SPHKAP: variants seen among roughly 807,000 people sequenced by gnomAD.
SPHKAP encodes the protein A-kinase anchor protein SPHKAP.
Under a neutral mutation model 137.5 loss-of-function variants are expected in SPHKAP, and 67 were observed. The observed-to-expected ratio is 0.49, with a 90% CI of 0.40 to 0.60. SPHKAP has a LOEUF of 0.60. Among genes scored for constraint, SPHKAP ranks in the 20% least tolerant of loss-of-function variants. The probability of loss-of-function intolerance (pLI) is 0.00; values close to 1 mark genes in which losing one functional copy is unlikely to be tolerated. For synonymous variants in SPHKAP, 813 were observed against 785.3 expected, an observed-to-expected ratio of 1.04 and a Z score of -0.59; for missense variants, 2,097 against 2,069.3, an observed-to-expected ratio of 1.01 and a Z score of -0.26.
intron 3 of SPHKAP, among the ~76,000 whole-genome samples, chr2:228,035,606 G>T (rs1440186633): frequency 2.0e-5 from 3 of 152,300 alleles, no homozygotes; most frequent in African/African-American, 7.2e-5. Flanking sequence ...AAAGCTGGAG[G>T]CATCACACTG....
intron 2 of SPHKAP, among the ~76,000 whole-genome samples, chr2:228,120,108 T>C (rs992691607): frequency 3.3e-5 from 5 of 152,164 alleles, no homozygotes; most frequent in African/African-American, 1.2e-4. Flanking sequence ...AAGGTGTGAT[T>C]AGTTAGAAGG....
intron 7 of SPHKAP, among the ~76,000 whole-genome samples, chr2:228,000,671 C>T (rs1004992461): frequency 2.0e-5 from 3 of 151,852 alleles, no homozygotes; most frequent in Non-Finnish European, 2.9e-5. Flanking sequence ...AGATTGACAA[C>T]ATTTAATAAT....
chr2:228,001,406 T>C (rs1313347429), intron 7 of SPHKAP, among the ~76,000 whole-genome samples: 2 of 141,340 alleles, frequency 1.4e-5, no homozygotes, highest in East Asian at 3.9e-4. Flanking sequence ...TATATATACA[T>C]AAATATATAT....
At chr2:228,090,858 G>T (rs1009584633) in intron 3 of SPHKAP, among the ~76,000 whole-genome samples, 2 of 152,142 alleles carry the variant, frequency 1.3e-5, no homozygotes, top group African/African-American at 4.8e-5. Flanking sequence ...ACCTGAAGGG[G>T]AGCAGATGCC....
intron 7 of SPHKAP, chr2:227,996,239 T>G (rs1693637188): frequency 2.1e-6 from 1 of 477,402 alleles, no homozygotes; most frequent in Non-Finnish European, 2.7e-6. Context: ...GCACTTGCAC[T>G]ATATTTTGTG....
chr2:228,092,224 T>TAC (rs1559168803), intron 3 of SPHKAP, among the ~76,000 whole-genome samples: 7 of 145,144 alleles, frequency 4.8e-5, no homozygotes, highest in Admixed American at 2.1e-4. Context: ...TACACACATA[T>TAC]ATACACACAT....
intron 7 of SPHKAP, among the ~76,000 whole-genome samples, chr2:227,996,519 C>T (rs988365941): frequency 4.6e-5 from 7 of 152,192 alleles, no homozygotes; most frequent in African/African-American, 9.7e-5. Context: ...TTTCCACAGT[C>T]GGTTCCTAAG....
At chr2:228,082,001 A>G (rs184300529) in intron 3 of SPHKAP, among the ~76,000 whole-genome samples, 116 of 152,326 alleles carry the variant, frequency 7.6e-4, no homozygotes, top group African/African-American at 2.7e-3. Flanking sequence ...TTAATAGCTT[A>G]ATTTAGCCTT....
chr2:227,998,949 C>T (rs984737592), intron 7 of SPHKAP, among the ~76,000 whole-genome samples: 1 of 152,164 alleles, frequency 6.6e-6, no homozygotes, highest in East Asian at 1.9e-4. Context: ...TGGCCTCTTT[C>T]ATTTAAAGTA....
intron 2 of SPHKAP, among the ~76,000 whole-genome samples, chr2:228,120,729 A>G (rs2106362475): frequency 6.6e-6 from 1 of 152,322 alleles, no homozygotes; most frequent in Non-Finnish European, 1.5e-5. Context: ...CTTCTGTCAT[A>G]TCACACAGAT....
chr2:228,140,730 C>A (rs1222436277), intron 1 of SPHKAP, among the ~76,000 whole-genome samples: 1 of 152,056 alleles, frequency 6.6e-6, no homozygotes. Flanking sequence ...TGGCTTAGCA[C>A]CGTCTCCTTG....
At chr2:228,060,257 T>C (rs894018308) in intron 3 of SPHKAP, among the ~76,000 whole-genome samples, 4 of 152,128 alleles carry the variant, frequency 2.6e-5, no homozygotes, top group Non-Finnish European at 2.9e-5. Flanking sequence ...AAAACTGTAA[T>C]GGGAAATTAT....
At chr2:228,087,453 C>G (rs1697574855) in intron 3 of SPHKAP, among the ~76,000 whole-genome samples, 1 of 152,192 alleles carries the variant, frequency 6.6e-6, no homozygotes, top group East Asian at 1.9e-4. Flanking sequence ...GCAACAGAAG[C>G]TGACTGTGAG....
chr2:228,023,803 GC>G (rs1481393428), intron 5 of SPHKAP, among the ~76,000 whole-genome samples: 2 of 152,180 alleles, frequency 1.3e-5, no homozygotes, highest in African/African-American at 4.8e-5. Flanking sequence ...TTCACTTCCA[GC>G]GCCAGGGGTG....
At chr2:228,020,877 T>C (rs1057337332) in intron 6 of SPHKAP, among the ~76,000 whole-genome samples, 3 of 152,032 alleles carry the variant, frequency 2.0e-5, no homozygotes, top group Non-Finnish European at 2.9e-5. Context: ...GGGATACAAA[T>C]GCAAGTAGGA....
chr2:228,171,468 G>A (rs146211357), intron 1 of SPHKAP, among the ~76,000 whole-genome samples: 3 of 152,042 alleles, frequency 2.0e-5, no homozygotes, highest in Non-Finnish European at 4.4e-5. Context: ...TTATAAGTTT[G>A]CTTATATTGT....
intron 1 of SPHKAP, among the ~76,000 whole-genome samples, chr2:228,162,945 C>T (rs1054778763): frequency 1.3e-5 from 2 of 152,124 alleles, no homozygotes; most frequent in Non-Finnish European, 2.9e-5. Context: ...TTGATCCATC[C>T]AGCTCGGCCT....
chr2:228,114,356 G>T (rs1186869244), intron 2 of SPHKAP, among the ~76,000 whole-genome samples: 1 of 152,032 alleles, frequency 6.6e-6, no homozygotes, highest in Non-Finnish European at 1.5e-5. Context: ...ATAGACTTTG[G>T]ACACAGCCCC....
chr2:228,158,786 T>G (rs980519013), intron 1 of SPHKAP, among the ~76,000 whole-genome samples: 3 of 152,218 alleles, frequency 2.0e-5, no homozygotes, highest in Non-Finnish European at 2.9e-5. Flanking sequence ...TATTTCAGTC[T>G]GCTCTGCCTT....
Sources: allele counts gnomAD v4.1 joint callset (sites outside exome capture counted in the v4.1 genomes callset), GRCh38; gene constraint gnomAD v4.1.1; transcripts MANE v1.5; gene names NCBI Gene and HGNC (gene_info 2026-07-23, HGNC 2026-07-21).